Variants in WWOX observed in about 807,000 individuals in gnomAD.
WWOX encodes WW domain containing oxidoreductase.
A neutral mutation model predicts 46.2 loss-of-function variants in WWOX; 69 were observed. The ratio of observed to expected loss-of-function variants is 1.49; its 90% CI spans 1.23 to 1.82. WWOX has a LOEUF of 1.82. WWOX is among the 40% of genes most tolerant of loss of function. The pLI, the probability that WWOX is intolerant of heterozygous loss-of-function variation, is 0.00. For synonymous variants in WWOX, 359 were observed against 202.6 expected, an observed-to-expected ratio of 1.77 and a Z score of -6.56; for missense variants, 919 against 542.6, an observed-to-expected ratio of 1.69 and a Z score of -6.89.
intron 8 of WWOX, among the ~76,000 whole-genome samples, chr16:78,976,089 G>A (rs1053810319): frequency 1.1e-4 from 16 of 152,148 alleles, no homozygotes; most frequent in South Asian, 2.1e-4. Context: ...TATTCCATCC[G>A]AATGACAATT....
intron 8 of WWOX, among the ~76,000 whole-genome samples, chr16:78,523,863 G>C (rs1015935420): frequency 6.6e-6 from 1 of 152,206 alleles, no homozygotes; most frequent in African/African-American, 2.4e-5. Flanking sequence ...GCAGCTAGGA[G>C]CTAGAGTTTT....
At chr16:78,226,504 CCCTT>C (rs749725355) in intron 5 of WWOX, among the ~76,000 whole-genome samples, 98 of 127,064 alleles carry the variant, frequency 7.7e-4, no homozygotes, top group Admixed American at 1.4e-3. Context: ...CTCCCTCCCT[CCCTT>C]CCTTCCTTCC....
At chr16:78,143,374 G>C (rs71396154) in intron 4 of WWOX, among the ~76,000 whole-genome samples, 23,025 of 152,168 alleles carry the variant, frequency 0.15, 2,027 homozygotes, top group East Asian at 0.22. Context: ...CTTCAGGTCA[G>C]TTTAGAACCG....
intron 8 of WWOX, among the ~76,000 whole-genome samples, chr16:79,028,541 T>G (rs2047691205): frequency 6.6e-6 from 1 of 151,620 alleles, no homozygotes; most frequent in South Asian, 2.1e-4. Flanking sequence ...CCTCCCATCC[T>G]TTCTTGCTTT....
intron 6 of WWOX, among the ~76,000 whole-genome samples, chr16:78,388,847 T>C (rs1210624094): frequency 6.6e-6 from 1 of 151,410 alleles, no homozygotes; most frequent in East Asian, 2.0e-4. Context: ...CACATGCCTG[T>C]AATCCCAGCT....
At chr16:79,008,588 A>T (rs1009244139) in intron 8 of WWOX, among the ~76,000 whole-genome samples, 1 of 152,138 alleles carries the variant, frequency 6.6e-6, no homozygotes, top group Non-Finnish European at 1.5e-5. Flanking sequence ...CAGATGTTGA[A>T]ACTGAGACTT....
chr16:78,367,857 A>G (rs1350890438), intron 5 of WWOX, among the ~76,000 whole-genome samples: 1 of 151,766 alleles, frequency 6.6e-6, no homozygotes, highest in African/African-American at 2.4e-5. Flanking sequence ...CCCGAGTTCA[A>G]GCTATTCTTC....
At chr16:79,063,695 A>C (rs2048393581) in intron 8 of WWOX, among the ~76,000 whole-genome samples, 1 of 152,222 alleles carries the variant, frequency 6.6e-6, no homozygotes, top group Admixed American at 6.5e-5. Flanking sequence ...CCAGCACCTC[A>C]AGAAACCTCT....
At chr16:78,702,878 C>G (rs565330071) in intron 8 of WWOX, among the ~76,000 whole-genome samples, 1 of 152,096 alleles carries the variant, frequency 6.6e-6, no homozygotes, top group Admixed American at 6.5e-5. Context: ...CTGCTTTGCT[C>G]ACTGCAGGAG....
chr16:78,683,235 G>A (rs557979787), intron 8 of WWOX, among the ~76,000 whole-genome samples: 3 of 151,976 alleles, frequency 2.0e-5, no homozygotes, highest in Non-Finnish European at 4.4e-5. Flanking sequence ...AAGGAGGTGG[G>A]CGCGGTGGCT....
At chr16:78,652,062 T>C (rs2046977109) in intron 8 of WWOX, among the ~76,000 whole-genome samples, 1 of 152,110 alleles carries the variant, frequency 6.6e-6, no homozygotes, top group South Asian at 2.1e-4. Context: ...CTATGAGGCC[T>C]CATGATAAGC....
chr16:78,612,106 T>G (rs1380633018), intron 8 of WWOX, among the ~76,000 whole-genome samples: 1 of 152,186 alleles, frequency 6.6e-6, no homozygotes, highest in African/African-American at 2.4e-5. Flanking sequence ...GAGATGGAAA[T>G]GAGGAAACTT....
chr16:79,191,491 A>G (rs1047490006), intron 8 of WWOX, among the ~76,000 whole-genome samples: 3 of 152,140 alleles, frequency 2.0e-5, no homozygotes, highest in East Asian at 3.9e-4. Context: ...ACAACTGCAC[A>G]AAGAATGGGC....
chr16:78,405,925 C>T (rs1376145655), intron 6 of WWOX, among the ~76,000 whole-genome samples: 1 of 152,054 alleles, frequency 6.6e-6, no homozygotes, highest in East Asian at 1.9e-4. Context: ...TGTCACATAC[C>T]TCTCTGACAT....
At chr16:78,341,135 A>G (rs1294666800) in intron 5 of WWOX, among the ~76,000 whole-genome samples, 1 of 105,132 alleles carries the variant, frequency 9.5e-6, no homozygotes, top group Non-Finnish European at 2.2e-5. Context: ...GTCACTTCCT[A>G]GTTGTCCATC....
At chr16:78,588,454 A>G (rs1454545264) in intron 8 of WWOX, among the ~76,000 whole-genome samples, 1 of 152,210 alleles carries the variant, frequency 6.6e-6, no homozygotes, top group Non-Finnish European at 1.5e-5. Context: ...TTCAGCAGCA[A>G]AAATCTGCCC....
intron 8 of WWOX, among the ~76,000 whole-genome samples, chr16:78,866,960 A>G (rs1172011055): frequency 6.6e-6 from 1 of 152,212 alleles, no homozygotes; most frequent in African/African-American, 2.4e-5. Context: ...AGCTGCATAA[A>G]TATGATAGCC....
At position 78,503,034 on chromosome 16, in the gene WWOX, G is replaced by A. The variant is rs28721293; in HGVS notation, c.1056+70282G>A. ...TGATTAATGAGTCCATGTTTCAGACGTTCCCATTTAATGTATTTGAGCCTT... is the reference window on the plus strand; with the variant it reads ...TGATTAATGAGTCCATGTTTCAGACATTCCCATTTAATGTATTTGAGCCTT... On this transcript the variant is annotated intron_variant, in intron 8 of 8. Transcript: ENST00000566780. Among the ~76,000 whole-genome samples the A allele has an allele frequency of 1.7e-3, 252 of 152,288 alleles. 3 individuals are homozygous for A. Among genetic ancestry groups the A allele is most frequent in the African/African-American group, 5.5e-3 (229 of 41,552 alleles).
intron 8 of WWOX, among the ~76,000 whole-genome samples, chr16:78,598,200 A>G (rs1450758006): frequency 1.3e-5 from 2 of 152,230 alleles, no homozygotes; most frequent in African/African-American, 2.4e-5. Context: ...TCAAGAAGAA[A>G]TGACCACTTC....
Sources: gnomAD v4.1 joint callset for allele counts (sites outside exome capture counted in the v4.1 genomes callset) on GRCh38, gnomAD v4.1.1 for gene constraint, MANE v1.5 for transcripts, NCBI Gene and HGNC (gene_info 2026-07-23, HGNC 2026-07-21) for gene names.